Variants in CWH43 observed in about 807,000 individuals in gnomAD.
CWH43 encodes the protein PGAP2-interacting protein.
In CWH43, 91 loss-of-function variants were observed where a neutral mutation model predicts 85.7. The observed-to-expected ratio is 1.06, with a 90% CI of 0.90 to 1.26. CWH43 has a LOEUF of 1.26. Ranked by LOEUF, CWH43 falls within the 50% of genes most tolerant of loss-of-function variation. The pLI is 0.00. For missense variants in CWH43, 869 were observed against 839.2 expected, an observed-to-expected ratio of 1.04 and a Z score of -0.44; for synonymous variants, 323 against 293.6, an observed-to-expected ratio of 1.10 and a Z score of -1.02.
At position 49,055,876 on chromosome 4, in the gene CWH43, C is replaced by T. The variant is rs144749919; in HGVS notation, c.2021+5027C>T. ...CCTCCCAAGGTGCTGGGATTACAGG[C>T]ATGAGCCACTATGGTCAATCTAATT... On this transcript the variant is annotated intron_variant, in intron 15 of 15. Coordinates refer to ENST00000226432, the MANE Select transcript of CWH43 (RefSeq NM_025087.3). 8.4e-3 allele frequency among the ~76,000 whole-genome samples: 1,276 copies of T among 151,820 alleles called. 3 individuals are homozygous for T. Among genetic ancestry groups the T allele is most frequent in the African/African-American group, 0.015 (626 of 41,418 alleles).
In CWH43 at chr4:48,992,845, A is replaced by T. The variant is rs143593045; in HGVS notation, c.511+755A>T. Among the ~76,000 whole-genome samples the T allele has an allele frequency of 3.3e-5, 5 of 152,348 alleles. No individual in the cohort carries two copies. The highest frequency in any genetic ancestry group is 1.2e-4 in the African/African-American group (5 of 41,580). On this transcript the variant is annotated intron_variant, in intron 4 of 15. Transcript: ENST00000226432. This position sits in a 1 kb window ranked among gnomAD's most constrained non-coding sequence, Gnocchi z 4.3. ...TATTGGCTCACCAAAAAGTGCTTGT[A>T]TAATTCCCCCTGTGGCCCCTAGTTT... is the stretch of plus-strand genomic sequence containing the variant.
Position 49,061,792 on chromosome 4 carries a change from T to C in CWH43, c.2022-20T>C. ...GTTTTTACATGCCAATAACTTTTTA[T>C]TTATTTTTTATTTTTTTAGATTTGG... is the stretch of plus-strand genomic sequence containing the variant. On this transcript the variant is annotated intron_variant, in intron 15 of 15. Coordinates refer to ENST00000226432, the MANE Select transcript of CWH43 (RefSeq NM_025087.3). 7.4e-7 allele frequency: 1 copy of C among 1,344,202 alleles called. No homozygotes were observed. Among genetic ancestry groups the C allele is most frequent in the Non-Finnish European group, 9.8e-7 (1 of 1,017,722 alleles). The allele number at this position is 1,344,202 out of a possible 1,614,324, so 83.3% of individuals were successfully genotyped here. A position where few individuals can be genotyped will look rare whatever the true frequency, so the allele number is the denominator to read the frequency against.
In CWH43 at chr4:49,017,290, C is replaced by A. The variant is rs764437967; in HGVS notation, c.1228C>A (p.Leu410Ile). ...TGGTGTGGGATTGTTGGGATTAGGA[C>A]TACGGCATAAAGCCTATGAGAGAAA... ...LVGVGLLGLG[L>I]RHKAYERKLG... is the part of the protein sequence containing the mutation. The change falls in exon 9 of 16, where the codon CTA (leucine) becomes ATA (isoleucine). Residue 410 changes from leucine to isoleucine, a missense_variant. Physicochemically the swap from Leu to Ile is conservative, Grantham distance 5. This residue lies in a region of CWH43 where 577 missense variants were observed against 513.1 expected (regional missense o/e 1.12). Transcript: ENST00000226432. The A allele has an allele frequency of 7.4e-6, 12 of 1,612,238 alleles. No homozygotes were observed. The highest frequency in any genetic ancestry group is 1.7e-5 in the Admixed American group (1 of 59,942).
At chr4:49,001,224 G>A (rs574458642) in intron 6 of CWH43, among the ~76,000 whole-genome samples, 2 of 152,196 alleles carry the variant, frequency 1.3e-5, no homozygotes, top group East Asian at 3.9e-4. Flanking sequence ...TCTAGATATA[G>A]TAAACATATT....
intron 9 of CWH43, among the ~76,000 whole-genome samples, chr4:49,020,416 C>CACAT (rs140534523): frequency 0.016 from 2,048 of 128,350 alleles, 19 homozygotes; most frequent in Middle Eastern, 0.022. Context: ...CACACACACA[C>CACAT]ATATATATAT....
In CWH43 at chr4:49,017,247, A is replaced by G. The variant is rs201595459; in HGVS notation, c.1187-2A>G. ...ACCCAATTATTTCTTTTTTCTGTTT[A>G]GTTCTGTGGCTGCTTGTTGGTGTGG... On this transcript the variant is annotated splice_acceptor_variant, in intron 8 of 15. Transcript: ENST00000226432. LOFTEE classifies it high-confidence loss of function. 1.9e-6 allele frequency: 3 copies of G among 1,605,898 alleles called. No individual in the cohort carries two copies. The highest frequency in any genetic ancestry group is 2.6e-6 in the Non-Finnish European group (3 of 1,176,472).
intron 8 of CWH43, 34 bp from the exon 9 acceptor site, chr4:49,017,215 T>TAA: frequency 6.4e-7 from 1 of 1,555,596 alleles, no homozygotes; most frequent in East Asian, 2.3e-5. Context: ...TTATTTATTT[T>TAA]AAAAAAACCC....
At chr4:49,014,379 T>C (rs1577673511) in intron 8 of CWH43, among the ~76,000 whole-genome samples, 1 of 151,238 alleles carries the variant, frequency 6.6e-6, no homozygotes, top group African/African-American at 2.4e-5. Context: ...AGTGGGAGGA[T>C]CTTTTGAGCC....
intron 10 of CWH43, 46 bp downstream of exon 10, chr4:49,028,780 GT>G: frequency 1.6e-6 from 2 of 1,266,640 alleles, no homozygotes; most frequent in Non-Finnish European, 1.1e-6. Flanking sequence ...AACTATTATT[GT>G]TACTTTTATT....
chr4:49,020,416 C>CACATATATATATATATAT (rs140534523), intron 9 of CWH43, among the ~76,000 whole-genome samples: 4 of 128,340 alleles, frequency 3.1e-5, no homozygotes, highest in African/African-American at 1.1e-4. Context: ...CACACACACA[C>CACATATATATATATATAT]ATATATATAT....
intron 2 of CWH43, among the ~76,000 whole-genome samples, chr4:48,989,035 A>G (rs1372898206): frequency 3.3e-5 from 5 of 152,260 alleles, no homozygotes; most frequent in African/African-American, 9.6e-5. Flanking sequence ...TGTGAAAATT[A>G]TGATGAAAAA....
At chr4:49,009,665 A>G (rs1783286990) in intron 8 of CWH43, among the ~76,000 whole-genome samples, 1 of 152,144 alleles carries the variant, frequency 6.6e-6, no homozygotes, top group African/African-American at 2.4e-5. Context: ...TACCTAGTTT[A>G]TTGAGGGTTT....
intron 7 of CWH43, among the ~76,000 whole-genome samples, chr4:49,005,905 G>A (rs749549058): frequency 2.0e-5 from 3 of 152,050 alleles, no homozygotes; most frequent in Admixed American, 6.6e-5. Flanking sequence ...TCTACCCCAC[G>A]AGCTAGACAT....
At chr4:49,022,962 A>T (rs1783797612) in intron 9 of CWH43, among the ~76,000 whole-genome samples, 1 of 152,114 alleles carries the variant, frequency 6.6e-6, no homozygotes, top group Non-Finnish European at 1.5e-5. Context: ...TATCAATTTT[A>T]TATGTCTTTT....
chr4:48,986,694 G>C, intron 1 of CWH43: 4 of 1,342,916 alleles, frequency 3.0e-6, no homozygotes, highest in South Asian at 1.8e-5. Context: ...AGGCGCCCGC[G>C]AGAGACCCCG....
intron 15 of CWH43, among the ~76,000 whole-genome samples, chr4:49,056,063 C>G (rs1471913296): frequency 9.0e-6 from 1 of 111,282 alleles, no homozygotes; most frequent in Non-Finnish European, 1.8e-5. Context: ...TATCCCTCCC[C>G]CCTCCCCCGA....
intron 9 of CWH43, among the ~76,000 whole-genome samples, chr4:49,020,601 A>G (rs1783722206): frequency 6.6e-6 from 1 of 152,108 alleles, no homozygotes. Context: ...ATCAAATTGT[A>G]GATCTATTTT....
chr4:49,001,009 T>G (rs1008414708), intron 6 of CWH43, among the ~76,000 whole-genome samples: 6 of 152,060 alleles, frequency 3.9e-5, no homozygotes, highest in Non-Finnish European at 8.8e-5. Context: ...GTGATTCATC[T>G]CTGGAAACCA....
chr4:49,039,424 T>TATACACTTATATATATATATATATAC (rs1196143341), intron 13 of CWH43, among the ~76,000 whole-genome samples: 4 of 139,480 alleles, frequency 2.9e-5, no homozygotes, highest in Non-Finnish European at 6.1e-5. Flanking sequence ...CTGATATATA[T>TATACACTTATATATATATATATATAC]ATACACTTAT....
Sources: allele counts gnomAD v4.1 joint callset (sites outside exome capture counted in the v4.1 genomes callset), GRCh38; gene constraint gnomAD v4.1.1; regional missense constraint gnomAD v4.1.1; non-coding constraint Gnocchi (gnomAD v3.1); transcripts MANE v1.5; gene names NCBI Gene and HGNC (gene_info 2026-07-23, HGNC 2026-07-21).